Variants in MROH2B observed in about 807,000 individuals in gnomAD.
MROH2B encodes maestro heat like repeat family member 2B.
A neutral mutation model predicts 208.6 loss-of-function variants in MROH2B; 177 were observed. The observed-to-expected ratio is 0.85, with a 90% CI of 0.75 to 0.96. MROH2B has a LOEUF of 0.96. Among genes scored for constraint, MROH2B ranks in the 40% least tolerant of loss-of-function variants. MROH2B has a pLI of 0.00. For missense variants in MROH2B, 2,002 were observed against 1,878.7 expected (o/e 1.07, Z -1.21); for synonymous variants, 728 against 659.0 (o/e 1.10, Z -1.60).
In MROH2B at chr5:41,055,786, C is replaced by A. The variant is rs61609768; in HGVS notation, c.989G>T (p.Arg330Leu). The change falls in exon 10 of 42, where the codon CGA (arginine) becomes CTA (leucine). Residue 330 changes from arginine to leucine, a missense_variant. Arg to Leu is a moderately radical substitution (Grantham distance 102). Transcript: ENST00000399564. ...TCTTAACAAAGTCAAGATTCCCACT[C>A]GAATGGCTTCATTATTACTTCTTAC... ...EQVRSNNEAI[R>L]VGILTLLRLA... 6.2e-7 allele frequency: 1 copy of A among 1,613,498 alleles called. No individual in the cohort carries two copies. The highest frequency in any genetic ancestry group is 8.5e-7 in the Non-Finnish European group (1 of 1,179,720).
At chr5:41,018,318 A>T in intron 27 of MROH2B, 23 bp downstream of exon 27, 1 of 1,599,798 alleles carries the variant, frequency 6.3e-7, no homozygotes, top group Admixed American at 1.7e-5. Flanking sequence ...AATAAAGTCT[A>T]TTCATTCTAG....
Position 41,039,534 on chromosome 5 carries a change from A to G in MROH2B, c.1975T>C (p.Tyr659His), listed in dbSNP as rs1742878577. ...ATATCCAAATGGTTCTCGGCACAGT[A>G]TCCTAAAATAGATGTTATTCCCTAA... Reference protein sequence around the residue: ...QRQGITSILGYCAENHLDIVL... With the variant: ...QRQGITSILGHCAENHLDIVL... Residue 659 changes from tyrosine to histidine, a missense_variant, in exon 20 of 42, where the codon TAC becomes CAC. By Grantham distance (83) the Tyr-to-His change is moderately conservative. Coordinates refer to ENST00000399564, the MANE Select transcript of MROH2B (RefSeq NM_173489.5). 1 of 1,597,498 alleles carries G rather than the reference A, an allele frequency of 6.3e-7. No homozygotes were observed. Among genetic ancestry groups the G allele is most frequent in the African/African-American group, 1.3e-5 (1 of 74,398 alleles).
intron 24 of MROH2B, among the ~76,000 whole-genome samples, chr5:41,030,054 A>G (rs1327179764): frequency 2.6e-5 from 4 of 152,096 alleles, no homozygotes; most frequent in Non-Finnish European, 1.5e-5. Flanking sequence ...TTTGCAAATC[A>G]TATGTCTGAT....
chr5:41,020,419 T>C (rs969248429), intron 24 of MROH2B, among the ~76,000 whole-genome samples: 5 of 152,160 alleles, frequency 3.3e-5, no homozygotes, highest in Admixed American at 3.3e-4. Context: ...TTTGTTAACA[T>C]GGCAACCTGT....
chr5:41,057,368 G>A lies in MROH2B; in HGVS notation c.757-8C>T, dbSNP rs749776669. 3.8e-6 allele frequency: 6 copies of A among 1,562,886 alleles called. No individual in the cohort carries two copies. The East Asian group carries it at 1.4e-4, about 37-fold the overall frequency. ...CAGTATTTGTTTTAGGCTCTAAAGT[G>A]GAAACTCCCACAGGTTAGTTGGAGG... On this transcript the variant is annotated splice_polypyrimidine_tract_variant and splice_region_variant and intron_variant, in intron 7 of 41. Transcript: ENST00000399564.
intron 1 of MROH2B, 74 bp downstream of exon 1, chr5:41,070,751 C>T: frequency 6.6e-7 from 1 of 1,504,296 alleles, no homozygotes; most frequent in Non-Finnish European, 9.1e-7. Flanking sequence ...TCCCAGCCCT[C>T]ATATATACTT....
At chr5:41,046,063 G>T (rs1279041514) in intron 17 of MROH2B, among the ~76,000 whole-genome samples, 1 of 152,032 alleles carries the variant, frequency 6.6e-6, no homozygotes, top group Non-Finnish European at 1.5e-5. Flanking sequence ...CTGAGAATAA[G>T]ATACACAGAA....
intron 6 of MROH2B, among the ~76,000 whole-genome samples, chr5:41,060,632 G>T (rs141902520): frequency 6.6e-6 from 1 of 152,092 alleles, no homozygotes. Context: ...TTCCAATGTC[G>T]CAGCTCACCA....
chr5:41,037,244 G>A (rs565326496), intron 21 of MROH2B, among the ~76,000 whole-genome samples: 103 of 152,144 alleles, frequency 6.8e-4, no homozygotes, highest in African/African-American at 2.4e-3. Flanking sequence ...GAGATTACAC[G>A]CTTAAAAAAA....
intron 28 of MROH2B, among the ~76,000 whole-genome samples, chr5:41,016,500 T>TTTC (rs1741955328): frequency 7.7e-6 from 1 of 129,370 alleles, no homozygotes; most frequent in Non-Finnish European, 1.6e-5. Flanking sequence ...ACTGTAATGT[T>TTTC]TTTTTTTTTT....
In MROH2B at chr5:41,008,654, C is replaced by T. The variant is rs375831508; in HGVS notation, c.3560G>A (p.Arg1187Gln). Residue 1187 changes from arginine (R) to glutamine (Q), a missense_variant, in exon 33 of 42, where the codon CGG becomes CAG. Coordinates refer to ENST00000399564, the MANE Select transcript of MROH2B (RefSeq NM_173489.5). ...KMLTCPWSHR[R>Q]HVMQQGEQQQ... The stretch of plus-strand genomic sequence containing the variant: ...CTGTTCTCCCTGCTGCATCACATGC[C>T]GCCTATGGCTCCAGGGACAAGTGAG... The T allele has an allele frequency of 1.1e-5, 18 of 1,613,764 alleles. No individual in the cohort carries two copies. Among genetic ancestry groups the T allele is most frequent in the African/African-American group, 2.7e-5 (2 of 74,886 alleles).
At chr5:41,031,194 A>G (rs1406931694) in intron 24 of MROH2B, among the ~76,000 whole-genome samples, 2 of 152,162 alleles carry the variant, frequency 1.3e-5, no homozygotes, top group Non-Finnish European at 2.9e-5. Context: ...AGCCTCAGGA[A>G]ACTTACAACT....
At chr5:41,008,111 G>A (rs1190605426) in intron 33 of MROH2B, among the ~76,000 whole-genome samples, 3 of 152,222 alleles carry the variant, frequency 2.0e-5, no homozygotes, top group Admixed American at 6.5e-5. Flanking sequence ...TCCTAAAAGA[G>A]TTCTTTTGAT....
intron 24 of MROH2B, among the ~76,000 whole-genome samples, chr5:41,027,178 A>C (rs1466483271): frequency 6.6e-6 from 1 of 152,250 alleles, no homozygotes; most frequent in African/African-American, 2.4e-5. Context: ...AAAAGCAAAA[A>C]TTGACAAATG....
chr5:41,044,295 T>C (rs1035125918), intron 18 of MROH2B, among the ~76,000 whole-genome samples: 1 of 150,946 alleles, frequency 6.6e-6, no homozygotes, highest in Non-Finnish European at 1.5e-5. Context: ...ACCTCAAGTA[T>C]ACCTTGTGAG....
chr5:41,018,772 T>TC lies in MROH2B; in HGVS notation c.2591dup (p.Ser865IlefsTer16). 6.2e-7 allele frequency: 1 copy of TC among 1,613,898 alleles called. No individual in the cohort carries two copies. Among genetic ancestry groups the TC allele is most frequent in the Non-Finnish European group, 8.5e-7 (1 of 1,179,860 alleles). ...GAAGTTTTCCTAGGGCGTCCATGGA[T>TC]CGTTCATAGAGAAACTGAAATCAAA... is the stretch of plus-strand genomic sequence containing the variant. On this transcript the variant is annotated frameshift_variant, in exon 26 of 42. Transcript: ENST00000399564. LOFTEE classifies it high-confidence loss of function.
rs764428661 is a variant in MROH2B, at chr5:41,033,160, C to T, written c.2242G>A (p.Asp748Asn). 1 of 1,612,500 alleles carries T rather than the reference C, an allele frequency of 6.2e-7. No homozygotes were observed. ...QVLGMSVMNKDMDLQMSFTRS... is the reference protein window; with the variant it reads ...QVLGMSVMNKNMDLQMSFTRS... ...GTGAAACTCATTTGCAGATCCATGT[C>T]CTAAAGCAAAAGCATTTACAATGCA... The change falls in exon 23 of 42, where the codon GAC (aspartate) becomes AAC (asparagine). Residue 748 changes from aspartate to asparagine, a missense_variant and splice_region_variant. By Grantham distance (23) the Asp-to-Asn change is conservative. Coordinates refer to ENST00000399564, the MANE Select transcript of MROH2B (RefSeq NM_173489.5).
rs754976734 is a variant in MROH2B, at chr5:41,049,302, T to C, written c.1479A>G (p.Ala493=). The change falls in exon 14 of 42, where the codon GCA becomes GCG. Residue 493 remains alanine (A), a synonymous_variant. Transcript: ENST00000399564. ...GACCAGCTCCTGTAGAGACGACAAG[T>C]GCTGTCGACTCCTTGGCACTGTGCT... ...KKQHSAKEST[A]LVVSTGAVKL... is the part of the protein sequence containing the mutation. 1 of 1,613,432 alleles carries C rather than the reference T, an allele frequency of 6.2e-7. No individual in the cohort carries two copies. The highest frequency in any genetic ancestry group is 8.5e-7 in the Non-Finnish European group (1 of 1,179,708).
Position 41,009,584 on chromosome 5 carries a change from TTGGGTTA to T in MROH2B, c.3294-185_3294-179del, listed in dbSNP as rs1579906389. Among the ~76,000 whole-genome samples, 5 of 152,196 alleles carry T rather than the reference TTGGGTTA, an allele frequency of 3.3e-5. No individual in the cohort carries two copies. The East Asian group carries it at 9.6e-4, about 29-fold the overall frequency. On this transcript the variant is annotated intron_variant, in intron 31 of 41. Transcript: ENST00000399564. The stretch of plus-strand genomic sequence containing the variant: ...TACATAACAATTCAGCATTCTAGCC[TTGGGTTA>T]CAGAACTTTGTTAAAGTCCACTAAG...
Sources: allele counts gnomAD v4.1 joint callset (sites outside exome capture counted in the v4.1 genomes callset), GRCh38; gene constraint gnomAD v4.1.1; transcripts MANE v1.5; gene names NCBI Gene and HGNC (gene_info 2026-07-23, HGNC 2026-07-21).